MED23: variants seen among roughly 807,000 people sequenced by gnomAD.
MED23 encodes mediator complex subunit 23.
Under a neutral mutation model 163.9 loss-of-function variants are expected in MED23, and 105 were observed. That is an observed-to-expected ratio of 0.64 (90% CI 0.55 to 0.75). The LOEUF (loss-of-function observed/expected upper bound fraction) is 0.75, where lower values mean the gene tolerates loss of function less well. Ranked by LOEUF, MED23 falls within the 30% of genes least tolerant of loss-of-function variation. The pLI, the probability that MED23 is intolerant of heterozygous loss-of-function variation, is 0.00. For synonymous variants in MED23, 561 were observed against 565.6 expected (o/e 0.99, Z 0.12); for missense variants, 1,054 against 1,649.0 (o/e 0.64, Z 6.25).
intron 3 of MED23, among the ~76,000 whole-genome samples, chr6:131,625,736 A>G (rs1777438083): frequency 6.6e-6 from 1 of 152,196 alleles, no homozygotes; most frequent in African/African-American, 2.4e-5. Flanking sequence ...CACTGAGAGA[A>G]ATGCAAAATA....
chr6:131,603,421 T>C (rs145523227), intron 15 of MED23, among the ~76,000 whole-genome samples: 2 of 152,326 alleles, frequency 1.3e-5, no homozygotes, highest in East Asian at 3.9e-4. Flanking sequence ...TTCCTGGGAT[T>C]TGGCAATTGA....
chr6:131,592,871 T>A lies in MED23; in HGVS notation c.3398+135A>T. ...TAACTCCTATATCACAAAGACAAGA[T>A]CTGGAACCAGAAAACAGTCATCATC... is the stretch of plus-strand genomic sequence containing the variant. On this transcript the variant is annotated intron_variant, in intron 24 of 28. Coordinates refer to ENST00000368068, the MANE Select transcript of MED23 (RefSeq NM_004830.4). The A allele has an allele frequency of 5.7e-6, 6 of 1,056,322 alleles. No individual in the cohort carries two copies. In the South Asian group the frequency reaches 6.9e-5, roughly 12 times the overall value. The allele number at this position is 1,056,322 out of a possible 1,614,324, so 65.4% of individuals were successfully genotyped here.
At chr6:131,602,193 G>T in intron 17 of MED23, 25 bp downstream of exon 17, 2 of 1,610,428 alleles carry the variant, frequency 1.2e-6, no homozygotes, top group South Asian at 1.1e-5. Context: ...ATCTGTTGTT[G>T]TTTGTAGTCA....
chr6:131,604,142 G>A (rs768865711), intron 15 of MED23, 36 bp downstream of exon 15: 4 of 1,566,978 alleles, frequency 2.6e-6, no homozygotes, highest in East Asian at 2.4e-5. Flanking sequence ...TAATGAATGG[G>A]TTAATAGTTA....
Position 131,586,954 on chromosome 6 carries a change from C to G in MED23, c.*725G>C. On this transcript the variant is annotated 3_prime_UTR_variant, in exon 29 of 29. Transcript: ENST00000368068. ...AGTGTCAACCTGCAAAAGCAATTAA[C>G]TTATTTTTAAAAAAAGAAATTGGAG... The G allele has an allele frequency of 6.7e-7, 1 of 1,482,478 alleles. No homozygotes were observed. The highest frequency in any genetic ancestry group is 2.5e-5 in the East Asian group (1 of 39,826). The allele number at this position is 1,482,478 out of a possible 1,614,324, so 91.8% of individuals were successfully genotyped here.
Position 131,596,101 on chromosome 6 carries a change from G to T in MED23, c.2841C>A (p.Ile947=). 1 of 1,614,126 alleles carries T rather than the reference G, an allele frequency of 6.2e-7. No homozygotes were observed. The highest frequency in any genetic ancestry group is 8.5e-7 in the Non-Finnish European group (1 of 1,180,000). The part of the protein sequence containing the change: ...LAEQVDPPVQ[I]QSPYLPIYFG... ...AATAGATGGGCAGATAGGGAGACTG[G>T]ATCTGTACAGGAGGATCCACCTGTT... The change falls in exon 22 of 29, where the codon ATC becomes ATA. Residue 947 remains isoleucine, a synonymous_variant. Coordinates refer to ENST00000368068, the MANE Select transcript of MED23 (RefSeq NM_004830.4).
Position 131,605,310 on chromosome 6 carries a change from T to C in MED23, c.1543A>G (p.Met515Val). The change falls in exon 14 of 29, where the codon ATG becomes GTG. Residue 515 changes from methionine to valine, a missense_variant. Met to Val is a conservative substitution (Grantham distance 21, BLOSUM62 1). Around this residue, in one of 11 missense-constraint regions of MED23, gnomAD observed 54 missense variants for 89.8 expected, o/e 0.60. Coordinates refer to ENST00000368068, the MANE Select transcript of MED23 (RefSeq NM_004830.4). ...MRIPLPGTNC[M>V]ASGSITPLPM... is the part of the protein sequence containing the mutation. Reference sequence around the variant, plus strand: ...AAGGGGGTAATAGATCCTGAAGCCATACAGTTTGTTCCAGGGAGAGGTATC... The same window carrying C: ...AAGGGGGTAATAGATCCTGAAGCCACACAGTTTGTTCCAGGGAGAGGTATC... The C allele has an allele frequency of 6.2e-7, 1 of 1,613,288 alleles. No individual in the cohort carries two copies. Among genetic ancestry groups the C allele is most frequent in the South Asian group, 1.1e-5 (1 of 91,060 alleles).
chr6:131,596,487 G>T, intron 21 of MED23, 31 bp downstream of exon 21: 1 of 1,610,220 alleles, frequency 6.2e-7, no homozygotes, highest in South Asian at 1.1e-5. Flanking sequence ...GCTTTAAAAG[G>T]ACTATTTGAA....
rs1774228770 is a variant in MED23 at position 131,587,040 on chromosome 6, G to C, written c.*639C>G. ...TTTTCAGATGTTATTTTCTTACATG[G>C]CTTCCAACTAATTTTATACAGTAAG... On this transcript the variant is annotated 3_prime_UTR_variant, in exon 29 of 29. Transcript: ENST00000368068. 2.1e-6 allele frequency: 3 copies of C among 1,421,836 alleles called. No individual in the cohort carries two copies. The highest frequency in any genetic ancestry group is 2.8e-6 in the Non-Finnish European group (3 of 1,084,354). 88.1% of individuals were successfully genotyped at this position (1,421,836 alleles called of 1,614,324 possible).
chr6:131,581,408 T>C (rs367574484), intron 30 of MED23: 21 of 1,598,342 alleles, frequency 1.3e-5, no homozygotes, highest in Middle Eastern at 1.7e-4. Flanking sequence ...TCTAGTGCAA[T>C]AGAATACTTT....
At chr6:131,601,200 T>C (rs1287980681) in intron 17 of MED23, among the ~76,000 whole-genome samples, 1 of 152,226 alleles carries the variant, frequency 6.6e-6, no homozygotes, top group African/African-American at 2.4e-5. Flanking sequence ...TGATAAAATT[T>C]GACCTTTCAA....
chr6:131,582,972 T>A, downstream of MED23: 1 of 944,842 alleles, frequency 1.1e-6, no homozygotes, highest in Non-Finnish European at 1.6e-6. Context: ...GTTTTATATA[T>A]TTTACTATAT....
At chr6:131,579,069 A>T in intron 30 of MED23, 4 of 1,603,290 alleles carry the variant, frequency 2.5e-6, no homozygotes, top group Non-Finnish European at 3.4e-6. Context: ...CTGATTTATA[A>T]TCTACTTTTT....
chr6:131,610,387 T>G (rs1446729935), intron 10 of MED23, 141 bp from the exon 11 acceptor site: 1 of 799,978 alleles, frequency 1.3e-6, no homozygotes, highest in African/African-American at 1.7e-5. Context: ...TTAGATTTAG[T>G]CTATTAAAGC....
downstream of MED23, chr6:131,583,729 T>TTTG (rs1774058133): frequency 1.2e-6 from 2 of 1,611,952 alleles, no homozygotes; most frequent in Middle Eastern, 1.7e-4. Flanking sequence ...ATTATTACAA[T>TTTG]TTGTTGTTGT....
At chr6:131,583,993 A>G, downstream of MED23, 1 of 1,468,844 alleles carries the variant, frequency 6.8e-7, no homozygotes. Flanking sequence ...TTATCCTTCT[A>G]AAGACTTGTT....
intron 25 of MED23, 71 bp from the exon 26 acceptor site, chr6:131,591,598 A>T: frequency 8.6e-7 from 1 of 1,167,634 alleles, no homozygotes. Context: ...CTAAAGTAAT[A>T]GTGTTTTCTC....
intron 30 of MED23, among the ~76,000 whole-genome samples, chr6:131,574,855 C>T (rs76645384): frequency 0.011 from 1,703 of 152,160 alleles, 33 homozygotes; most frequent in African/African-American, 0.039. Context: ...AAAAAAAAGC[C>T]CAGAGAGGTT....
downstream of MED23, chr6:131,583,564 G>A (rs199903226): frequency 6.3e-7 from 1 of 1,590,594 alleles, no homozygotes. Flanking sequence ...TCCTTGACCT[G>A]AAACCAAGTC....
Sources: gnomAD v4.1 joint callset for allele counts (sites outside exome capture counted in the v4.1 genomes callset) on GRCh38, gnomAD v4.1.1 for gene constraint, gnomAD v4.1.1 regional missense constraint, MANE v1.5 for transcripts, NCBI Gene and HGNC (gene_info 2026-07-23, HGNC 2026-07-21) for gene names.